FLYWCH1: variants seen among roughly 807,000 people sequenced by gnomAD.
FLYWCH1 encodes the protein FLYWCH-type zinc finger-containing protein 1.
A neutral mutation model predicts 66.4 loss-of-function variants in FLYWCH1; 75 were observed. The observed-to-expected ratio is 1.13, with a 90% CI of 0.94 to 1.37. FLYWCH1 has a LOEUF of 1.37. FLYWCH1 is among the 40% of genes most tolerant of loss of function. FLYWCH1 has a pLI of 0.00. For missense variants in FLYWCH1, 1,334 were observed against 1,001.8 expected (o/e 1.33, Z -4.48); for synonymous variants, 595 against 429.9 (o/e 1.38, Z -4.75).
Position 2,937,369 on chromosome 16 carries a change from C to G in FLYWCH1, c.1762C>G (p.Gln588Glu). ...GCGGGAGCACTTCCCCAACCTGGCG[C>G]AGTGGGACAGCCCAGGTGCGTGTGG... Reference protein sequence around the residue: ...RQREHFPNLAQWDSPDPLRPL... With the variant: ...RQREHFPNLAEWDSPDPLRPL... The change falls in exon 7 of 10, where the codon CAG (glutamine) becomes GAG (glutamate). Residue 588 changes from glutamine (Q) to glutamate (E), a missense_variant. By Grantham distance (29) the Gln-to-Glu change is conservative. Coordinates refer to ENST00000253928, the MANE Select transcript of FLYWCH1 (RefSeq NM_001308068.2). The G allele has an allele frequency of 2.5e-6, 4 of 1,575,518 alleles. No individual in the cohort carries two copies. In the South Asian group the frequency reaches 4.7e-5, roughly 18 times the overall value.
At chr16:2,939,654 C>T (rs2071178325) in intron 8 of FLYWCH1, 2 of 211,002 alleles carry the variant, frequency 9.5e-6, no homozygotes, top group Non-Finnish European at 1.9e-5. Context: ...CTGCAGTGAG[C>T]CATGCACTGC....
At chr16:2,938,981 C>T (rs2071145878) in intron 8 of FLYWCH1, among the ~76,000 whole-genome samples, 1 of 151,818 alleles carries the variant, frequency 6.6e-6, no homozygotes, top group South Asian at 2.1e-4. Flanking sequence ...CATCTTGGCT[C>T]ACTGCAACCT....
intron 2 of FLYWCH1, chr16:2,915,085 T>A (rs2070123182): frequency 6.6e-6 from 1 of 151,748 alleles, no homozygotes; most frequent in Non-Finnish European, 1.5e-5. Context: ...TTTATTGAAT[T>A]TATTAAATAA....
chr16:2,916,478 A>G (rs527266350), intron 2 of FLYWCH1, among the ~76,000 whole-genome samples: 10 of 152,176 alleles, frequency 6.6e-5, no homozygotes, highest in African/African-American at 2.2e-4. Flanking sequence ...TACTAACAAA[A>G]TACAAAAAAT....
intron 2 of FLYWCH1, chr16:2,923,023 C>A (rs896658566): frequency 1.1e-5 from 5 of 452,206 alleles, no homozygotes; most frequent in Admixed American, 5.7e-5. Context: ...TTTGGGGGGG[C>A]TGTTGTGTGG....
intron 4 of FLYWCH1, among the ~76,000 whole-genome samples, chr16:2,931,288 G>A (rs2070752986): frequency 7.1e-6 from 1 of 141,100 alleles, no homozygotes; most frequent in South Asian, 2.3e-4. Context: ...GGTGACTGGA[G>A]CGAGACTCCA....
In FLYWCH1 at chr16:2,925,544, C is replaced by T. The variant is rs979682167; in HGVS notation, c.-73-4069C>T. Among the ~76,000 whole-genome samples the T allele has an allele frequency of 3.2e-5, 4 of 125,202 alleles. No homozygotes were observed. The East Asian group carries it at 6.9e-4, about 22-fold the overall frequency. The allele number at this position is 125,202 out of a possible 152,430, so 82.1% of individuals were successfully genotyped here. ...CCGGTAGAAGGACTTGTGCCCAGGC[C>T]AATCAGCGCGCGCGGGGTAGGGGGA... On this transcript the variant is annotated intron_variant, in intron 2 of 9. Transcript: ENST00000253928.
rs1009411451 is a variant in FLYWCH1, at chr16:2,925,031, C to A, written c.-73-4582C>A. 3.9e-5 allele frequency among the ~76,000 whole-genome samples: 6 copies of A among 152,356 alleles called. No homozygotes were observed. The East Asian group carries it at 1.2e-3, about 29-fold the overall frequency. Reference sequence around the variant, plus strand: ...CAGTCCCCACCTTCACTCTGACGGCCTGGGACAGGCCCCTGCCCGCCTGCA... The same window carrying A: ...CAGTCCCCACCTTCACTCTGACGGCATGGGACAGGCCCCTGCCCGCCTGCA... On this transcript the variant is annotated intron_variant, in intron 2 of 9. Transcript: ENST00000253928.
intron 2 of FLYWCH1, among the ~76,000 whole-genome samples, chr16:2,918,769 A>AC (rs1212145289): frequency 6.6e-6 from 1 of 152,024 alleles, no homozygotes; most frequent in Non-Finnish European, 1.5e-5. Flanking sequence ...TAAACATGTA[A>AC]AATAAAATTC....
At position 2,931,003 on chromosome 16, in the gene FLYWCH1, A is replaced by T. The variant is rs763255243; in HGVS notation, c.796+123A>T. ...TTAAAATGTACTCAAAGCTAAAATG[A>T]CTTTTAAAAATATAAATGTGGCCGG... On this transcript the variant is annotated intron_variant, in intron 4 of 9. Transcript: ENST00000253928. 3.8e-6 allele frequency: 3 copies of T among 788,726 alleles called. No homozygotes were observed. The African/African-American group carries it at 5.3e-5, about 14-fold the overall frequency. 48.9% of individuals were successfully genotyped at this position (788,726 alleles called of 1,614,324 possible).
At chr16:2,924,933 T>C (rs920683079) in intron 2 of FLYWCH1, among the ~76,000 whole-genome samples, 11 of 152,218 alleles carry the variant, frequency 7.2e-5, no homozygotes, top group African/African-American at 2.7e-4. Flanking sequence ...CTGCGCTCTC[T>C]CCTGTCACTT....
At chr16:2,912,478 C>G (rs2070023486) in intron 1 of FLYWCH1, among the ~76,000 whole-genome samples, 1 of 152,214 alleles carries the variant, frequency 6.6e-6, no homozygotes, top group Non-Finnish European at 1.5e-5. Flanking sequence ...GGTTGCAGCT[C>G]GGGCGGTCCC....
intron 2 of FLYWCH1, among the ~76,000 whole-genome samples, chr16:2,918,517 T>C (rs1315190475): frequency 2.0e-5 from 3 of 151,262 alleles, no homozygotes; most frequent in Non-Finnish European, 4.4e-5. Flanking sequence ...CTTGGCTCAC[T>C]GCAACCTCCA....
chr16:2,928,033 G>A (rs1348056903), intron 2 of FLYWCH1, among the ~76,000 whole-genome samples: 1 of 152,192 alleles, frequency 6.6e-6, no homozygotes, highest in Non-Finnish European at 1.5e-5. Flanking sequence ...GAAGTTCAAG[G>A]AAAGGTACTG....
intron 2 of FLYWCH1, among the ~76,000 whole-genome samples, chr16:2,928,185 G>A (rs2070638890): frequency 6.6e-6 from 1 of 152,216 alleles, no homozygotes; most frequent in South Asian, 2.1e-4. Context: ...AGAATAGAAC[G>A]AATGGTCGGC....
chr16:2,949,806 C>T lies in FLYWCH1; in HGVS notation c.*1079C>T, dbSNP rs1185701384. 5 of 151,996 alleles carry T rather than the reference C, an allele frequency of 3.3e-5. No homozygotes were observed. The highest frequency in any genetic ancestry group is 6.6e-5 in the Admixed American group (1 of 15,246). 9.4% of individuals were successfully genotyped at this position (151,996 alleles called of 1,614,324 possible). A position where few individuals can be genotyped will look rare whatever the true frequency, so the allele number is the denominator to read the frequency against. ...GGTTCCCCCAATAAATCCTATTTTCCATCTCACCGTGTGGAGCTGGTACTT... is the reference window on the plus strand; with the variant it reads ...GGTTCCCCCAATAAATCCTATTTTCTATCTCACCGTGTGGAGCTGGTACTT... On this transcript the variant is annotated 3_prime_UTR_variant, in exon 10 of 10. Transcript: ENST00000253928.
chr16:2,942,720 CTTTTTTTTTTT>C lies in FLYWCH1; in HGVS notation c.2111+2642_2111+2652del, dbSNP rs34247000. 1.2e-4 allele frequency among the ~76,000 whole-genome samples: 10 copies of C among 82,794 alleles called. No homozygotes were observed. In the Admixed American group the frequency reaches 1.5e-3, roughly 12 times the overall value. The allele number at this position is 82,794 out of a possible 152,430, so 54.3% of individuals were successfully genotyped here. A position where few individuals can be genotyped will look rare whatever the true frequency, so the allele number is the denominator to read the frequency against. On this transcript the variant is annotated intron_variant, in intron 9 of 9. Coordinates refer to ENST00000253928, the MANE Select transcript of FLYWCH1 (RefSeq NM_001308068.2). ...TTCACCCTTGGCTGGCATCTGGGAA[CTTTTTTTTTTT>C]TTTTTTTTTTTTTGAGACGGAGTCT...
intron 9 of FLYWCH1, chr16:2,943,231 T>C (rs2071344482): frequency 6.6e-6 from 1 of 151,982 alleles, no homozygotes; most frequent in South Asian, 2.1e-4. Flanking sequence ...GCTTCCCTGG[T>C]AGAGAACACT....
At chr16:2,926,720 A>G (rs546002592) in intron 2 of FLYWCH1, among the ~76,000 whole-genome samples, 6 of 152,370 alleles carry the variant, frequency 3.9e-5, no homozygotes, top group African/African-American at 1.2e-4. Flanking sequence ...TTAATGGCCT[A>G]TGAAAATGCA....
Sources: gnomAD v4.1 joint callset for allele counts (sites outside exome capture counted in the v4.1 genomes callset) on GRCh38, gnomAD v4.1.1 for gene constraint, MANE v1.5 for transcripts, NCBI Gene and HGNC (gene_info 2026-07-23, HGNC 2026-07-21) for gene names.